Variants in GRIK4 observed in about 807,000 individuals in gnomAD.
GRIK4 encodes glutamate ionotropic receptor kainate type subunit 4.
Under a neutral mutation model 104.9 loss-of-function variants are expected in GRIK4, and 40 were observed. That is an observed-to-expected ratio of 0.38 (90% CI 0.30 to 0.50). The LOEUF is 0.50. Among genes scored for constraint, GRIK4 ranks in the 20% least tolerant of loss-of-function variants. The pLI, the probability that GRIK4 is intolerant of heterozygous loss-of-function variation, is 0.93. For missense variants in GRIK4, 1,047 were observed against 1,308.1 expected (o/e 0.80, Z 3.08); for synonymous variants, 485 against 524.9 (o/e 0.92, Z 1.04).
chr11:120,516,593 C>T (rs554842357), intron 1 of GRIK4, among the ~76,000 whole-genome samples: 25 of 151,700 alleles, frequency 1.6e-4, no homozygotes, highest in Non-Finnish European at 3.5e-4. Context: ...GGTGAAGATT[C>T]GTGGGCAGAG....
chr11:120,644,011 C>CTGTGTGTGTGTGTGTGTGTGTG (rs369374873), intron 1 of GRIK4, among the ~76,000 whole-genome samples: 7 of 122,854 alleles, frequency 5.7e-5, no homozygotes, highest in African/African-American at 2.3e-4. Flanking sequence ...GGGAGAGGGT[C>CTGTGTGTGTGTGTGTGTGTGTG]TGTGTGTGTG....
chr11:120,897,470 C>T (rs1942611056), intron 11 of GRIK4, among the ~76,000 whole-genome samples: 1 of 150,648 alleles, frequency 6.6e-6, no homozygotes, highest in South Asian at 2.1e-4. Context: ...CCCATCTCTA[C>T]CAAAAATACA....
intron 14 of GRIK4, among the ~76,000 whole-genome samples, chr11:120,951,642 C>T (rs188591730): frequency 1.7e-3 from 256 of 152,278 alleles, no homozygotes; most frequent in Middle Eastern, 3.4e-3. Flanking sequence ...TACAATAGTC[C>T]TTAGGGTGCA....
chr11:120,965,829 G>A (rs900912308), intron 18 of GRIK4, among the ~76,000 whole-genome samples: 1 of 152,226 alleles, frequency 6.6e-6, no homozygotes, highest in South Asian at 2.1e-4. Context: ...AAATCCCCAG[G>A]TGATTGCAAT....
At chr11:120,612,256 G>A (rs1949046852) in intron 1 of GRIK4, among the ~76,000 whole-genome samples, 1 of 152,156 alleles carries the variant, frequency 6.6e-6, no homozygotes, top group South Asian at 2.1e-4. Flanking sequence ...CATTGGTAGA[G>A]TTTAAATGGC....
chr11:120,832,872 C>T (rs1300418802), intron 7 of GRIK4, among the ~76,000 whole-genome samples: 3 of 152,228 alleles, frequency 2.0e-5, no homozygotes, highest in African/African-American at 4.8e-5. Context: ...GGTGGCTGGG[C>T]TGGGCATGAA....
At chr11:120,924,717 G>A (rs1236262641) in intron 13 of GRIK4, among the ~76,000 whole-genome samples, 1 of 152,152 alleles carries the variant, frequency 6.6e-6, no homozygotes, top group African/African-American at 2.4e-5. Context: ...AGACGTTGCT[G>A]TGGGTCTCAA....
chr11:120,966,089 G>A (rs1283010306), intron 18 of GRIK4, among the ~76,000 whole-genome samples: 4 of 152,082 alleles, frequency 2.6e-5, no homozygotes, highest in Admixed American at 6.5e-5. Context: ...CTAAATTCTA[G>A]AACCAAAGCT....
At chr11:120,644,900 A>G (rs1291935350) in intron 1 of GRIK4, among the ~76,000 whole-genome samples, 1 of 152,162 alleles carries the variant, frequency 6.6e-6, no homozygotes, top group Non-Finnish European at 1.5e-5. Context: ...TAATAATAAT[A>G]AAAAAAGAGG....
At chr11:120,780,004 T>C (rs745961572) in intron 3 of GRIK4, among the ~76,000 whole-genome samples, 9 of 152,208 alleles carry the variant, frequency 5.9e-5, no homozygotes, top group South Asian at 2.1e-4. Context: ...TGCCAGACAA[T>C]GAGGAGGCAA....
At chr11:120,527,593 C>T (rs866230166) in intron 1 of GRIK4, among the ~76,000 whole-genome samples, 34 of 152,326 alleles carry the variant, frequency 2.2e-4, no homozygotes, top group Non-Finnish European at 3.7e-4. Flanking sequence ...CAGGGGCGGG[C>T]TGGGGGCTGG....
chr11:120,839,225 T>C lies in GRIK4; in HGVS notation c.744+2381T>C, dbSNP rs191267599. On this transcript the variant is annotated intron_variant, in intron 8 of 20. Transcript: ENST00000527524. Reference sequence around the variant, plus strand: ...TTATTTCTTCTTTCTCTGAATCCCTTGGGGATCTCCACCATGTCTCATCAC... The same window carrying C: ...TTATTTCTTCTTTCTCTGAATCCCTCGGGGATCTCCACCATGTCTCATCAC... Among the ~76,000 whole-genome samples, 1,092 of 152,284 alleles carry C rather than the reference T, an allele frequency of 7.2e-3. 19 individuals carry two copies. The highest frequency in any genetic ancestry group is 0.025 in the African/African-American group (1,039 of 41,530).
intron 13 of GRIK4, among the ~76,000 whole-genome samples, chr11:120,920,315 G>A (rs148978256): frequency 1.5e-4 from 23 of 152,136 alleles, no homozygotes; most frequent in Admixed American, 9.8e-4. Context: ...CCCTCCCCAC[G>A]TAGGGCTGTA....
intron 3 of GRIK4, among the ~76,000 whole-genome samples, chr11:120,796,650 G>A (rs1361140591): frequency 6.6e-6 from 1 of 152,078 alleles, no homozygotes; most frequent in Non-Finnish European, 1.5e-5. Context: ...ATGGAGGAGA[G>A]TTAATGGGCC....
intron 4 of GRIK4, among the ~76,000 whole-genome samples, chr11:120,812,708 G>A (rs1291363013): frequency 6.6e-6 from 1 of 152,208 alleles, no homozygotes; most frequent in East Asian, 1.9e-4. Context: ...CAGACTCCAA[G>A]CTCTTACAGA....
intron 3 of GRIK4, among the ~76,000 whole-genome samples, chr11:120,792,495 A>T (rs1365305217): frequency 6.6e-6 from 1 of 152,086 alleles, no homozygotes; most frequent in Non-Finnish European, 1.5e-5. Context: ...TGGTTGTGCC[A>T]GCCTGGAGGC....
intron 3 of GRIK4, among the ~76,000 whole-genome samples, chr11:120,687,215 G>A (rs912361161): frequency 3.3e-5 from 5 of 152,138 alleles, no homozygotes; most frequent in African/African-American, 1.2e-4. Context: ...GGAGTGAAGC[G>A]GGTTCCCCAG....
rs1948180671 is a variant in GRIK4 at position 120,555,808 on chromosome 11, T to G, written c.-159+43921T>G. On this transcript the variant is annotated intron_variant, in intron 1 of 20. Transcript: ENST00000527524. This position sits in a 1 kb window ranked among gnomAD's most constrained non-coding sequence, Gnocchi z 5.3. ...TGGGGCTTCTTCCCACCGTCATTAT[T>G]GATGTCCCTGCCACCAAGAATCATG... is the stretch of plus-strand genomic sequence containing the variant. Among the ~76,000 whole-genome samples the G allele has an allele frequency of 6.6e-6, 1 of 152,176 alleles. No individual in the cohort carries two copies. The highest frequency in any genetic ancestry group is 2.1e-4 in the South Asian group (1 of 4,830).
intron 13 of GRIK4, among the ~76,000 whole-genome samples, chr11:120,917,296 AAAAG>A (rs1283795728): frequency 2.0e-5 from 3 of 150,418 alleles, no homozygotes; most frequent in African/African-American, 4.9e-5. Context: ...AAAGAAAGAA[AAAAG>A]AAAGAAAAGA....
Sources: gnomAD v4.1 joint callset for allele counts (sites outside exome capture counted in the v4.1 genomes callset) on GRCh38, gnomAD v4.1.1 for gene constraint, Gnocchi (gnomAD v3.1) non-coding constraint, MANE v1.5 for transcripts, NCBI Gene and HGNC (gene_info 2026-07-23, HGNC 2026-07-21) for gene names.